DAPK1: variants seen among roughly 807,000 people sequenced by gnomAD.
DAPK1 encodes the protein death associated protein kinase 1.
In DAPK1, 56 loss-of-function variants were observed where a neutral mutation model predicts 144.9. The ratio of observed to expected loss-of-function variants is 0.39; its 90% CI spans 0.31 to 0.48. DAPK1 has a LOEUF of 0.48. DAPK1 is among the 20% of genes least tolerant of loss of function. DAPK1 has a pLI of 0.95. For synonymous variants in DAPK1, 690 were observed against 749.0 expected (o/e 0.92, Z 1.29); for missense variants, 1,454 against 1,875.4 (o/e 0.78, Z 4.15).
At chr9:87,658,869 A>G (rs978124704) in intron 18 of DAPK1, among the ~76,000 whole-genome samples, 2 of 152,196 alleles carry the variant, frequency 1.3e-5, no homozygotes, top group Non-Finnish European at 2.9e-5. Flanking sequence ...TGAGAGCTTT[A>G]CTGACAGAGG....
intron 3 of DAPK1, among the ~76,000 whole-genome samples, chr9:87,623,509 A>G (rs536777564): frequency 6.6e-6 from 1 of 152,288 alleles, no homozygotes; most frequent in Non-Finnish European, 1.5e-5. Flanking sequence ...TCCCTGAAAC[A>G]TAAGGTTTTT....
chr9:87,703,123 A>C lies in DAPK1; in HGVS notation c.2966A>C (p.Gln989Pro). 6.2e-7 allele frequency: 1 copy of C among 1,606,960 alleles called. No individual in the cohort carries two copies. Among genetic ancestry groups the C allele is most frequent in the South Asian group, 1.1e-5 (1 of 90,952 alleles). Residue 989 changes from glutamine (Q) to proline (P), a missense_variant, in exon 25 of 26, where the codon CAG becomes CCG. By Grantham distance (76) the Gln-to-Pro change is moderately conservative. Transcript: ENST00000408954. The part of the protein sequence containing the change: ...LNGPNQLMSL[Q>P]QFVYDVQDQL... The stretch of plus-strand genomic sequence containing the variant: ...GGACCCAACCAGCTGATGTCGCTGC[A>C]GCAGTTTGTGTACGACGTGCAGGAC...
chr9:87,583,720 C>T (rs996984365), intron 2 of DAPK1, among the ~76,000 whole-genome samples: 1 of 152,168 alleles, frequency 6.6e-6, no homozygotes, highest in Non-Finnish European at 1.5e-5. Flanking sequence ...AAACTCCACC[C>T]AAACCTTCAT....
intron 19 of DAPK1, among the ~76,000 whole-genome samples, chr9:87,674,996 C>T (rs1824310715): frequency 6.6e-6 from 1 of 152,088 alleles, no homozygotes; most frequent in South Asian, 2.1e-4. Flanking sequence ...CTGCAGAGAC[C>T]ACAGTGAACA....
chr9:87,648,919 C>T (rs1830352368), intron 15 of DAPK1, 40 bp downstream of exon 15: 1 of 1,526,480 alleles, frequency 6.6e-7, no homozygotes, highest in Admixed American at 1.7e-5. Context: ...CTGCTCTATA[C>T]ATGAATGTAC....
chr9:87,533,154 A>C lies in DAPK1; in HGVS notation c.62+34015A>C, dbSNP rs537026891. On this transcript the variant is annotated intron_variant, in intron 2 of 25. Coordinates refer to ENST00000408954, the MANE Select transcript of DAPK1 (RefSeq NM_004938.4). ...CACACACATTGTAAATTTTGTGTAC[A>C]TGCACATAAAATATATATACACATG... Among the ~76,000 whole-genome samples, 42 of 152,366 alleles carry C rather than the reference A, an allele frequency of 2.8e-4. No homozygotes were observed. The Middle Eastern group carries it at 0.01, about 37-fold the overall frequency.
At position 87,707,673 on chromosome 9, in the gene DAPK1, C is replaced by T. The variant is rs532880592; in HGVS notation, c.*309C>T. On this transcript the variant is annotated 3_prime_UTR_variant, in exon 26 of 26. Transcript: ENST00000408954. This position sits in a 1 kb window ranked among gnomAD's most constrained non-coding sequence, Gnocchi z 4.0. ...TCATCCTCCAGTACCTTGCTTCTTA[C>T]TGATAATTTTGCTGGAATTCCTAAC... 4.4e-5 allele frequency: 21 copies of T among 480,250 alleles called. No homozygotes were observed. The highest frequency in any genetic ancestry group is 3.9e-4 in the African/African-American group (20 of 51,332). 29.7% of individuals were successfully genotyped at this position (480,250 alleles called of 1,614,324 possible).
intron 2 of DAPK1, among the ~76,000 whole-genome samples, chr9:87,604,063 C>T (rs1294842035): frequency 6.6e-6 from 1 of 152,156 alleles, no homozygotes; most frequent in East Asian, 1.9e-4. Context: ...TCCATGGTGT[C>T]ACTGCAGACC....
In DAPK1 at chr9:87,648,877, A is replaced by G. The variant is rs1348019120; in HGVS notation, c.1426A>G (p.Lys476Glu). The G allele has an allele frequency of 6.2e-7, 1 of 1,613,898 alleles. No homozygotes were observed. ...SFGSNPNIQD[K>E]EEETPLHCAA... ...CGGCTCAAATCCCAATATCCAGGAC[A>G]AGGTGGGTCGTGACTGACATCCTCC... Residue 476 changes from lysine (K) to glutamate (E), a missense_variant and splice_region_variant, in exon 15 of 26, where the codon AAG (lysine) becomes GAG (glutamate). This residue lies in a region of DAPK1 where 429 missense variants were observed against 637.5 expected (regional missense o/e 0.67). Transcript: ENST00000408954.
chr9:87,499,337 A>G (rs1824311656), intron 2 of DAPK1, 198 bp downstream of exon 2: 2 of 588,388 alleles, frequency 3.4e-6, no homozygotes, highest in Admixed American at 5.8e-5. Context: ...GAGAGGCAGC[A>G]GTTCAGGGCT....
At chr9:87,561,249 G>T (rs576648289) in intron 2 of DAPK1, among the ~76,000 whole-genome samples, 1 of 152,124 alleles carries the variant, frequency 6.6e-6, no homozygotes, top group Non-Finnish European at 1.5e-5. Flanking sequence ...ATATGTGGCC[G>T]GGCGTAGTGG....
intron 21 of DAPK1, among the ~76,000 whole-genome samples, chr9:87,693,191 A>G (rs1825136035): frequency 6.6e-6 from 1 of 150,906 alleles, no homozygotes; most frequent in East Asian, 1.9e-4. Flanking sequence ...GTTTCTCTTT[A>G]CCTTTGGGAC....
At chr9:87,562,874 G>A (rs1826981220) in intron 2 of DAPK1, among the ~76,000 whole-genome samples, 4 of 152,196 alleles carry the variant, frequency 2.6e-5, no homozygotes, top group Admixed American at 1.3e-4. Flanking sequence ...TTAAACTTAA[G>A]GAATGATTTA....
chr9:87,599,705 G>A (rs1182950559), intron 2 of DAPK1, among the ~76,000 whole-genome samples: 2 of 152,142 alleles, frequency 1.3e-5, no homozygotes, highest in African/African-American at 4.8e-5. Flanking sequence ...GAAAATTTTA[G>A]TGCATTTTTT....
At chr9:87,655,547 G>A (rs890783590) in intron 17 of DAPK1, among the ~76,000 whole-genome samples, 1 of 152,098 alleles carries the variant, frequency 6.6e-6, no homozygotes, top group African/African-American at 2.4e-5. Flanking sequence ...CCATTGCGTG[G>A]TCTTGCCTTT....
intron 2 of DAPK1, among the ~76,000 whole-genome samples, chr9:87,575,313 C>T (rs1272837227): frequency 1.3e-5 from 2 of 151,842 alleles, no homozygotes; most frequent in Admixed American, 6.6e-5. Flanking sequence ...GCCGTTATCT[C>T]GTGCTGGCCT....
chr9:87,691,728 C>A (rs557565852), intron 21 of DAPK1, among the ~76,000 whole-genome samples: 1 of 152,136 alleles, frequency 6.6e-6, no homozygotes, highest in African/African-American at 2.4e-5. Context: ...CCCCTAATTT[C>A]TTTCTTGACC....
intron 2 of DAPK1, among the ~76,000 whole-genome samples, chr9:87,515,002 TG>T (rs1380291171): frequency 6.6e-6 from 1 of 152,158 alleles, no homozygotes; most frequent in East Asian, 1.9e-4. Flanking sequence ...CTGACAAACT[TG>T]GGGGAGTCCA....
intron 2 of DAPK1, among the ~76,000 whole-genome samples, chr9:87,548,844 A>G (rs949080071): frequency 2.3e-5 from 3 of 128,936 alleles, no homozygotes; most frequent in African/African-American, 9.0e-5. Flanking sequence ...GACAAAATCC[A>G]CCCTCCACAG....
Sources: allele counts gnomAD v4.1 joint callset (sites outside exome capture counted in the v4.1 genomes callset), GRCh38; gene constraint gnomAD v4.1.1; regional missense constraint gnomAD v4.1.1; non-coding constraint Gnocchi (gnomAD v3.1); transcripts MANE v1.5; gene names NCBI Gene and HGNC (gene_info 2026-07-23, HGNC 2026-07-21).